The following TULP4 variants were observed in gnomAD, a reference collection of about 807,000 sequenced individuals.
TULP4 encodes the protein tubby-related protein 4.
In TULP4, 16 loss-of-function variants were observed where a neutral mutation model predicts 129.0. The observed-to-expected ratio is 0.12, with a 90% CI of 0.08 to 0.19. The LOEUF is 0.19. Among genes scored for constraint, TULP4 ranks in the 10% least tolerant of loss-of-function variants. TULP4 has a pLI of 1.00. For synonymous variants in TULP4, 998 were observed against 854.0 expected (o/e 1.17, Z -2.94); for missense variants, 1,842 against 2,059.1 (o/e 0.89, Z 2.04).
chr6:158,278,083 T>C (rs1418234300), upstream of TULP4, among the ~76,000 whole-genome samples: 2 of 152,220 alleles, frequency 1.3e-5, no homozygotes, highest in Non-Finnish European at 2.9e-5. Context: ...CTTCCTCTTG[T>C]GCTAAATTCA....
upstream of TULP4, among the ~76,000 whole-genome samples, chr6:158,309,140 G>A (rs1335384115): frequency 5.5e-5 from 2 of 36,114 alleles, no homozygotes; most frequent in Admixed American, 7.8e-4. Context: ...CAGATGGGGC[G>A]GCTGCCGGGC....
At chr6:158,497,843 G>A (rs1780366223) in intron 11 of TULP4, among the ~76,000 whole-genome samples, 1 of 152,204 alleles carries the variant, frequency 6.6e-6, no homozygotes, top group Non-Finnish European at 1.5e-5. Context: ...CAGCCGCTAA[G>A]TGTTAAGGTG....
intron 8 of TULP4, 107 bp downstream of exon 8, chr6:158,481,396 G>C (rs1378914946): frequency 1.0e-5 from 10 of 995,648 alleles, no homozygotes; most frequent in African/African-American, 4.8e-5. Flanking sequence ...ACGTGAGCCT[G>C]TGGGGGCTAG....
chr6:158,243,847 G>A (rs908685649), intron 1 of TULP4, among the ~76,000 whole-genome samples: 20 of 143,510 alleles, frequency 1.4e-4, no homozygotes, highest in African/African-American at 5.0e-4. Flanking sequence ...AGCTGAAATA[G>A]GTGTGTGTGT....
intron 1 of TULP4, among the ~76,000 whole-genome samples, chr6:158,275,627 T>A (rs751135318): frequency 6.6e-6 from 1 of 152,218 alleles, no homozygotes; most frequent in Non-Finnish European, 1.5e-5. Flanking sequence ...TGTACATAAC[T>A]ACACTAATGG....
chr6:158,369,995 C>T (rs1005239837), intron 1 of TULP4, among the ~76,000 whole-genome samples: 1 of 151,016 alleles, frequency 6.6e-6, no homozygotes, highest in East Asian at 2.0e-4. Flanking sequence ...TTGAGACCAG[C>T]CATGGTCTCA....
At chr6:158,282,517 A>T (rs1778771907) in intron 1 of TULP4, 1 of 150,964 alleles carries the variant, frequency 6.6e-6, no homozygotes, top group Non-Finnish European at 1.5e-5. Flanking sequence ...GGACATTTGG[A>T]TCATTATCTT....
At chr6:158,452,332 G>A (rs1178751623) in intron 5 of TULP4, 64 bp downstream of exon 5, 154 of 1,585,924 alleles carry the variant, frequency 9.7e-5, no homozygotes, top group African/African-American at 9.4e-5. Context: ...CCTCAAGGCC[G>A]GTCTTGTACA....
At chr6:158,268,246 T>G (rs571198095) in intron 1 of TULP4, among the ~76,000 whole-genome samples, 9 of 151,650 alleles carry the variant, frequency 5.9e-5, no homozygotes, top group Admixed American at 2.0e-4. Context: ...TCCATGTTGG[T>G]CAGGCTGGTC....
At chr6:158,255,740 T>G (rs1024057615) in intron 1 of TULP4, among the ~76,000 whole-genome samples, 1 of 152,224 alleles carries the variant, frequency 6.6e-6, no homozygotes, top group African/African-American at 2.4e-5. Flanking sequence ...TTGGACTTGT[T>G]CTGTGAAATA....
rs1293284705 is a variant in TULP4 at position 158,461,631 on chromosome 6, C to T, written c.928C>T (p.Leu310Phe). The T allele has an allele frequency of 6.2e-7, 1 of 1,613,998 alleles. No individual in the cohort carries two copies. Among genetic ancestry groups the T allele is most frequent in the South Asian group, 1.1e-5 (1 of 91,060 alleles). Residue 310 changes from leucine (L) to phenylalanine (F), a missense_variant, in exon 6 of 14, where the codon CTT becomes TTT. By Grantham distance (22) the Leu-to-Phe change is conservative. Transcript: ENST00000367097. ...CGCTGGGATGGAACGGCAGACCCAG[C>T]TTGGTGAGCTTCCCAATGGTCCCCT... ...AVAGMERQTQ[L>F]GELPNGPLLK...
At chr6:158,331,997 C>A (rs1451506345) in intron 1 of TULP4, among the ~76,000 whole-genome samples, 1 of 147,902 alleles carries the variant, frequency 6.8e-6, no homozygotes, top group East Asian at 2.0e-4. Flanking sequence ...CATGGTGAAA[C>A]CCCATCTCTA....
intron 1 of TULP4, among the ~76,000 whole-genome samples, chr6:158,390,181 A>C (rs973470369): frequency 3.3e-5 from 5 of 152,212 alleles, no homozygotes; most frequent in African/African-American, 4.8e-5. Flanking sequence ...CCAAAGAATC[A>C]ACCATTAACA....
At chr6:158,360,605 A>G (rs1345462243) in intron 1 of TULP4, among the ~76,000 whole-genome samples, 1 of 152,214 alleles carries the variant, frequency 6.6e-6, no homozygotes, top group Non-Finnish European at 1.5e-5. Context: ...CCAGACAGTC[A>G]GGTAAAAGGG....
intron 1 of TULP4, among the ~76,000 whole-genome samples, chr6:158,380,850 C>T (rs1265392375): frequency 2.8e-5 from 4 of 141,678 alleles, no homozygotes; most frequent in African/African-American, 1.1e-4. Flanking sequence ...GCCGAGACCA[C>T]GCCACTGCAC....
At chr6:158,494,013 C>G (rs1246626411) in intron 10 of TULP4, among the ~76,000 whole-genome samples, 1 of 152,184 alleles carries the variant, frequency 6.6e-6, no homozygotes, top group African/African-American at 2.4e-5. Context: ...TCCCTCAGTG[C>G]CCCCTCACCC....
Position 158,502,387 on chromosome 6 carries a change from G to A in TULP4, c.2724G>A (p.Leu908=), listed in dbSNP as rs1780472117. 1 of 1,613,824 alleles carries A rather than the reference G, an allele frequency of 6.2e-7. No individual in the cohort carries two copies. Among genetic ancestry groups the A allele is most frequent in the Non-Finnish European group, 8.5e-7 (1 of 1,179,966 alleles). The change falls in exon 13 of 14, where the codon CTG becomes CTA. Residue 908 remains leucine, a synonymous_variant. Transcript: ENST00000367097. ...EEVCRPRTRM[L]CSQNTYTLPG... ...TGTGCCGGCCCCGCACCCGGATGCT[G>A]TGCTCCCAGAACACGTACACCCTCC...
chr6:158,330,060 A>G (rs1779841831), intron 1 of TULP4, among the ~76,000 whole-genome samples: 1 of 152,256 alleles, frequency 6.6e-6, no homozygotes, highest in African/African-American at 2.4e-5. Context: ...ATTAATTTTT[A>G]ATATACTTTA....
chr6:158,264,439 AT>A (rs1562498935), intron 1 of TULP4, among the ~76,000 whole-genome samples: 1 of 152,142 alleles, frequency 6.6e-6, no homozygotes, highest in Non-Finnish European at 1.5e-5. Flanking sequence ...TGTTTTACCC[AT>A]TTGGCTTATT....
Sources: allele counts gnomAD v4.1 joint callset (sites outside exome capture counted in the v4.1 genomes callset), GRCh38; gene constraint gnomAD v4.1.1; transcripts MANE v1.5; gene names NCBI Gene and HGNC (gene_info 2026-07-23, HGNC 2026-07-21).